PINX1: variants seen among roughly 807,000 people sequenced by gnomAD.
PINX1 encodes the protein PIN2/TERF1-interacting telomerase inhibitor 1.
A neutral mutation model predicts 25.4 loss-of-function variants in PINX1; 34 were observed. The observed-to-expected ratio is 1.34, with a 90% CI of 1.02 to 1.78. The LOEUF (loss-of-function observed/expected upper bound fraction) is 1.78, where lower values mean the gene tolerates loss of function less well. PINX1 is among the 40% of genes most tolerant of loss of function. The pLI, the probability that PINX1 is intolerant of heterozygous loss-of-function variation, is 0.00. For missense variants in PINX1, 592 were observed against 404.9 expected (o/e 1.46, Z -3.97); for synonymous variants, 197 against 147.7 (o/e 1.33, Z -2.42).
At chr8:10,811,762 G>A (rs1011783756) in intron 6 of PINX1, among the ~76,000 whole-genome samples, 1 of 152,142 alleles carries the variant, frequency 6.6e-6, no homozygotes, top group African/African-American at 2.4e-5. Context: ...GGGGCTCGGG[G>A]CAGCTGGACT....
chr8:10,801,936 A>G (rs758025932), intron 6 of PINX1, among the ~76,000 whole-genome samples: 1 of 152,168 alleles, frequency 6.6e-6, no homozygotes, highest in Non-Finnish European at 1.5e-5. Flanking sequence ...GAAATGCACA[A>G]GCACCACTGG....
intron 6 of PINX1, among the ~76,000 whole-genome samples, chr8:10,789,467 C>T (rs1468423924): frequency 2.6e-5 from 4 of 152,158 alleles, no homozygotes; most frequent in African/African-American, 9.7e-5. Flanking sequence ...TAGCAAATTT[C>T]GAGTACACAG....
Position 10,817,557 on chromosome 8 carries a change from T to C in PINX1, c.471+2636A>G, listed in dbSNP as rs369493319. ...CATTTTGCTTTATAGAAAGATACTC[T>C]GTTTGTCTTAAATGTGATTACATTT... On this transcript the variant is annotated intron_variant, in intron 6 of 6. Coordinates refer to ENST00000314787, the MANE Select transcript of PINX1 (RefSeq NM_017884.6). 2.6e-5 allele frequency among the ~76,000 whole-genome samples: 4 copies of C among 152,334 alleles called. No homozygotes were observed. In the East Asian group the frequency reaches 7.7e-4, roughly 29 times the overall value.
chr8:10,770,728 G>A (rs112507540), intron 6 of PINX1, among the ~76,000 whole-genome samples: 6,285 of 152,244 alleles, frequency 0.041, 159 homozygotes, highest in Middle Eastern at 0.095. Flanking sequence ...TTAGTGAAGT[G>A]CCAGAAGCAG....
intron 6 of PINX1, among the ~76,000 whole-genome samples, chr8:10,775,835 T>C (rs1469991593): frequency 6.6e-6 from 1 of 152,164 alleles, no homozygotes; most frequent in Non-Finnish European, 1.5e-5. Flanking sequence ...TCAGTAACTT[T>C]TTTCAACATA....
chr8:10,777,287 A>C (rs1235937020), intron 6 of PINX1, among the ~76,000 whole-genome samples: 2 of 152,204 alleles, frequency 1.3e-5, no homozygotes, highest in East Asian at 3.8e-4. Context: ...ACAACTCTCA[A>C]AAAGTCAGGA....
rs1488484999 is a variant in PINX1, at chr8:10,839,793, G to A, written c.-37C>T. 1 of 1,591,724 alleles carries A rather than the reference G, an allele frequency of 6.3e-7. No homozygotes were observed. The highest frequency in any genetic ancestry group is 8.6e-7 in the Non-Finnish European group (1 of 1,167,778). ...TGTGATACCGCCGCCTCTGGACCTG[G>A]GTGACTGCGGCCACTGGGCGGGCTG... is the stretch of plus-strand genomic sequence containing the variant. On this transcript the variant is annotated 5_prime_UTR_variant, in exon 1 of 7. Transcript: ENST00000314787.
intron 6 of PINX1, among the ~76,000 whole-genome samples, chr8:10,780,349 G>C (rs898031538): frequency 1.3e-5 from 2 of 152,074 alleles, no homozygotes; most frequent in African/African-American, 2.4e-5. Context: ...ACTAACTATG[G>C]GTTTTTCATA....
chr8:10,790,258 T>G (rs1189002821), intron 6 of PINX1, among the ~76,000 whole-genome samples: 4 of 152,162 alleles, frequency 2.6e-5, no homozygotes, highest in African/African-American at 9.7e-5. Context: ...ACAGAAAAAG[T>G]GTTCAAATGA....
chr8:10,827,069 G>A (rs917836192), intron 4 of PINX1, among the ~76,000 whole-genome samples: 1 of 152,218 alleles, frequency 6.6e-6, no homozygotes, highest in African/African-American at 2.4e-5. Flanking sequence ...CTTCCCGGTT[G>A]CGAAAAGCCA....
chr8:10,831,806 A>G, intron 3 of PINX1, 63 bp from the exon 4 acceptor site: 1 of 908,662 alleles, frequency 1.1e-6, no homozygotes, highest in Non-Finnish European at 1.8e-6. Flanking sequence ...GACTGAGATG[A>G]TACATTTTGG....
At chr8:10,800,012 C>T (rs12679178) in intron 6 of PINX1, among the ~76,000 whole-genome samples, 7,898 of 152,288 alleles carry the variant, frequency 0.052, 580 homozygotes, top group East Asian at 0.3. Flanking sequence ...GCCGAGACTG[C>T]GATCCAGGTC....
Position 10,765,044 on chromosome 8 carries a change from G to A in PINX1, c.*357C>T, listed in dbSNP as rs17152315. The A allele has an allele frequency of 0.01, 2,038 of 194,108 alleles. 42 individuals carry two copies. Among genetic ancestry groups the A allele is most frequent in the African/African-American group, 0.046 (1,917 of 41,470 alleles). The allele number at this position is 194,108 out of a possible 1,614,324, so 12.0% of individuals were successfully genotyped here. On this transcript the variant is annotated 3_prime_UTR_variant, in exon 7 of 7. Transcript: ENST00000314787. ...TTATTGAAGGGAACCGAGAGCAAAC[G>A]GAGATAGTGACACACACACACACAC...
At chr8:10,831,569 T>C (rs955621832) in intron 4 of PINX1, 96 bp downstream of exon 4, 1 of 748,316 alleles carries the variant, frequency 1.3e-6, no homozygotes, top group Non-Finnish European at 2.4e-6. Flanking sequence ...TCAATAAATA[T>C]GTATAATTAT....
At chr8:10,809,051 GATTA>G (rs1310547950) in intron 6 of PINX1, among the ~76,000 whole-genome samples, 7 of 152,194 alleles carry the variant, frequency 4.6e-5, no homozygotes, top group Non-Finnish European at 1.5e-5. Flanking sequence ...CCCTTTGACT[GATTA>G]ATTAGCCAAT....
At chr8:10,775,050 T>C (rs954585852) in intron 6 of PINX1, among the ~76,000 whole-genome samples, 2 of 152,158 alleles carry the variant, frequency 1.3e-5, no homozygotes, top group African/African-American at 4.8e-5. Flanking sequence ...AAGCCAATTC[T>C]ACTCAAGAAA....
intron 6 of PINX1, among the ~76,000 whole-genome samples, chr8:10,785,589 C>T (rs913573341): frequency 6.6e-6 from 1 of 152,144 alleles, no homozygotes; most frequent in African/African-American, 2.4e-5. Flanking sequence ...TATAGCAATC[C>T]CACTGGGACA....
chr8:10,829,301 AAAAAGAG>A (rs893388367), intron 4 of PINX1, among the ~76,000 whole-genome samples: 1 of 151,602 alleles, frequency 6.6e-6, no homozygotes, highest in African/African-American at 2.4e-5. Context: ...AAAAAAAAAA[AAAAAGAG>A]AGAGAGAAAA....
At chr8:10,834,636 C>T in intron 2 of PINX1, 30 bp downstream of exon 2, 1 of 1,609,472 alleles carries the variant, frequency 6.2e-7, no homozygotes, top group South Asian at 1.1e-5. Context: ...TTTCATAGCT[C>T]AGATTTTTTT....
Sources: allele counts gnomAD v4.1 joint callset (sites outside exome capture counted in the v4.1 genomes callset), GRCh38; gene constraint gnomAD v4.1.1; transcripts MANE v1.5; gene names NCBI Gene and HGNC (gene_info 2026-07-23, HGNC 2026-07-21).